PLXDC2: variants seen among roughly 807,000 people sequenced by gnomAD.
The protein encoded by PLXDC2 is plexin domain containing 2.
Under a neutral mutation model 68.9 loss-of-function variants are expected in PLXDC2, and 40 were observed. That is an observed-to-expected ratio of 0.58 (90% CI 0.45 to 0.76). The LOEUF (loss-of-function observed/expected upper bound fraction) is 0.76. Among genes scored for constraint, PLXDC2 ranks in the 30% least tolerant of loss-of-function variants. The pLI, the probability that PLXDC2 is intolerant of heterozygous loss-of-function variation, is 0.00. For synonymous variants in PLXDC2, 243 were observed against 234.2 expected (o/e 1.04, Z -0.34); for missense variants, 644 against 661.9 (o/e 0.97, Z 0.30).
rs1836348629 is a variant in PLXDC2, at chr10:19,816,701, G to C, written c.-379G>C. 2.8e-5 allele frequency: 10 copies of C among 360,188 alleles called. No homozygotes were observed. The South Asian group carries it at 2.9e-4, about 11-fold the overall frequency. The allele number at this position is 360,188 out of a possible 1,614,324, so 22.3% of individuals were successfully genotyped here. A position where few individuals can be genotyped will look rare whatever the true frequency, so the allele number is the denominator to read the frequency against. On this transcript the variant is annotated 5_prime_UTR_variant, in exon 1 of 14. Transcript: ENST00000377252. ...TGGAATTAGATCTGTTTTGAACCCAGTGGAGCGCATCGCTGGGGCTCGGAA... is the reference window on the plus strand; with the variant it reads ...TGGAATTAGATCTGTTTTGAACCCACTGGAGCGCATCGCTGGGGCTCGGAA...
chr10:20,230,207 A>G (rs1158413742), intron 12 of PLXDC2, among the ~76,000 whole-genome samples: 1 of 152,248 alleles, frequency 6.6e-6, no homozygotes, highest in Non-Finnish European at 1.5e-5. Context: ...TAAGAAATGT[A>G]TGTGAAAAAT....
chr10:20,004,192 G>A (rs1172857165), intron 2 of PLXDC2, among the ~76,000 whole-genome samples: 1 of 152,208 alleles, frequency 6.6e-6, no homozygotes, highest in Admixed American at 6.5e-5. Context: ...CTGAAGTATA[G>A]GCTGTGGGAA....
intron 2 of PLXDC2, among the ~76,000 whole-genome samples, chr10:20,012,303 C>CTCT (rs1835129350): frequency 1.6e-3 from 106 of 65,592 alleles, no homozygotes; most frequent in African/African-American, 4.0e-3. Flanking sequence ...CTCTCTCTCT[C>CTCT]TTTTTTATTT....
chr10:20,240,556 C>T (rs188807845), intron 12 of PLXDC2, among the ~76,000 whole-genome samples: 14 of 152,038 alleles, frequency 9.2e-5, no homozygotes, highest in African/African-American at 2.4e-4. Flanking sequence ...AAAATCAAAG[C>T]ATATCAATGA....
At chr10:20,044,215 T>G (rs1429782513) in intron 2 of PLXDC2, among the ~76,000 whole-genome samples, 199 of 6,764 alleles carry the variant, frequency 0.029, 4 homozygotes, top group East Asian at 0.087. Flanking sequence ...CTCTCTGTCT[T>G]TCTTTCTTTC....
intron 1 of PLXDC2, among the ~76,000 whole-genome samples, chr10:19,960,458 T>C (rs983133929): frequency 6.6e-6 from 1 of 152,098 alleles, no homozygotes; most frequent in Non-Finnish European, 1.5e-5. Flanking sequence ...CTCTTTGCAG[T>C]GTCTTTTGGG....
chr10:19,912,518 GAT>G (rs1833292538), intron 1 of PLXDC2, among the ~76,000 whole-genome samples: 1 of 152,026 alleles, frequency 6.6e-6, no homozygotes, highest in African/African-American at 2.4e-5. Flanking sequence ...ATATGACTTT[GAT>G]ATCACTTTTT....
intron 12 of PLXDC2, among the ~76,000 whole-genome samples, chr10:20,228,868 A>G (rs1398437938): frequency 6.6e-6 from 1 of 152,208 alleles, no homozygotes; most frequent in Non-Finnish European, 1.5e-5. Context: ...TCAAGTTAAA[A>G]AAAACACACA....
intron 2 of PLXDC2, among the ~76,000 whole-genome samples, chr10:20,025,826 T>C (rs539656381): frequency 6.6e-6 from 1 of 152,160 alleles, no homozygotes; most frequent in South Asian, 2.1e-4. Context: ...TTTTTTTCAC[T>C]TGTTTTCCCC....
At chr10:20,051,810 A>T (rs1377894970) in intron 3 of PLXDC2, among the ~76,000 whole-genome samples, 1 of 152,000 alleles carries the variant, frequency 6.6e-6, no homozygotes, top group East Asian at 1.9e-4. Context: ...TGGACTCTAT[A>T]GCAGGGGTTG....
chr10:19,976,063 G>T (rs1040288735), intron 1 of PLXDC2, among the ~76,000 whole-genome samples: 4 of 152,070 alleles, frequency 2.6e-5, no homozygotes, highest in African/African-American at 9.7e-5. Flanking sequence ...ATCCCTAAGT[G>T]GCCTATCCCC....
intron 7 of PLXDC2, among the ~76,000 whole-genome samples, chr10:20,166,821 A>T (rs1465178798): frequency 1.3e-5 from 2 of 152,158 alleles, no homozygotes; most frequent in East Asian, 3.8e-4. Context: ...AGGGCCCTAA[A>T]GTGTAATTTT....
At chr10:20,163,435 C>CAA (rs1354669875) in intron 6 of PLXDC2, among the ~76,000 whole-genome samples, 203 of 151,774 alleles carry the variant, frequency 1.3e-3, no homozygotes, top group African/African-American at 4.8e-3. Flanking sequence ...ATATTCTCTC[C>CAA]CACTTATTAT....
At chr10:20,227,207 G>A (rs1835298394) in intron 12 of PLXDC2, among the ~76,000 whole-genome samples, 1 of 152,130 alleles carries the variant, frequency 6.6e-6, no homozygotes, top group South Asian at 2.1e-4. Flanking sequence ...CAGATGCAAA[G>A]ATCTACATGG....
chr10:19,909,421 G>T (rs1833226940), intron 1 of PLXDC2, among the ~76,000 whole-genome samples: 1 of 152,118 alleles, frequency 6.6e-6, no homozygotes. Context: ...CAAGAAGAAA[G>T]AGATTAATAA....
chr10:19,824,962 TA>T (rs2131998050), intron 1 of PLXDC2, among the ~76,000 whole-genome samples: 1 of 152,324 alleles, frequency 6.6e-6, no homozygotes, highest in East Asian at 1.9e-4. Flanking sequence ...GGTCAGACAC[TA>T]AGTGACGTTA....
Position 19,817,041 on chromosome 10 carries a change from A to T in PLXDC2, c.-39A>T. Reference sequence around the variant, plus strand: ...CATCGGGAGCCCCCGAGCACCGGCGAAGGACTGGCGGGTGGGGTAGGGAGG... The same window carrying T: ...CATCGGGAGCCCCCGAGCACCGGCGTAGGACTGGCGGGTGGGGTAGGGAGG... On this transcript the variant is annotated 5_prime_UTR_variant, in exon 1 of 14. Coordinates refer to ENST00000377252, the MANE Select transcript of PLXDC2 (RefSeq NM_032812.9). 1 of 1,475,294 alleles carries T rather than the reference A, an allele frequency of 6.8e-7. No individual in the cohort carries two copies. 91.4% of individuals were successfully genotyped at this position (1,475,294 alleles called of 1,614,324 possible).
chr10:20,025,020 A>G (rs1835373234), intron 2 of PLXDC2, among the ~76,000 whole-genome samples: 2 of 152,178 alleles, frequency 1.3e-5, no homozygotes, highest in Admixed American at 6.5e-5. Context: ...CTAGTGCTGC[A>G]ATGAACATAC....
intron 1 of PLXDC2, among the ~76,000 whole-genome samples, chr10:19,872,311 G>A (rs1333105622): frequency 3.9e-5 from 6 of 152,210 alleles, no homozygotes; most frequent in African/African-American, 1.4e-4. Flanking sequence ...AAGCAGGATT[G>A]AAAAGTCAAG....
Sources: allele counts gnomAD v4.1 joint callset (sites outside exome capture counted in the v4.1 genomes callset), GRCh38; gene constraint gnomAD v4.1.1; transcripts MANE v1.5; gene names NCBI Gene and HGNC (gene_info 2026-07-23, HGNC 2026-07-21).